EIF4G3: variants seen among roughly 807,000 people sequenced by gnomAD.
EIF4G3 encodes the protein eukaryotic translation initiation factor 4 gamma 3.
A neutral mutation model predicts 186.4 loss-of-function variants in EIF4G3; 34 were observed. That is an observed-to-expected ratio of 0.18 (90% CI 0.14 to 0.24). The LOEUF (loss-of-function observed/expected upper bound fraction) is 0.24, where lower values mean the gene tolerates loss of function less well. Among genes scored for constraint, EIF4G3 ranks in the 10% least tolerant of loss-of-function variants. The probability of loss-of-function intolerance (pLI) is 1.00; values close to 1 mark genes in which losing one functional copy is unlikely to be tolerated. For synonymous variants in EIF4G3, 673 were observed against 679.5 expected, an observed-to-expected ratio of 0.99 and a Z score of 0.15; for missense variants, 1,536 against 1,948.5, an observed-to-expected ratio of 0.79 and a Z score of 3.99.
At chr1:20,864,405 G>T in intron 22 of EIF4G3, 71 bp downstream of exon 22, 3 of 1,088,916 alleles carry the variant, frequency 2.8e-6, no homozygotes, top group Non-Finnish European at 4.2e-6. Context: ...GAACTATTCT[G>T]TTGACAGTCT....
chr1:20,941,498 A>G lies in EIF4G3; in HGVS notation c.1656T>C (p.Pro552=), dbSNP rs771964785. 6.2e-6 allele frequency: 10 copies of G among 1,608,892 alleles called. No individual in the cohort carries two copies. The highest frequency in any genetic ancestry group is 8.5e-6 in the Non-Finnish European group (10 of 1,177,474). Residue 552 remains proline (P), a synonymous_variant, in exon 14 of 37, where the codon CCT becomes CCC. Coordinates refer to ENST00000602326, the MANE Select transcript of EIF4G3 (RefSeq NM_001391906.1). ...DSQNLNSRRS[P]VPAQIAITVP... The stretch of plus-strand genomic sequence containing the variant: ...AATGGCAGAATGGCTTACCTGGGAC[A>G]GGGCTCCTTCTTGAATTTAAGTTTT...
At chr1:20,854,933 G>T in intron 26 of EIF4G3, 45 bp downstream of exon 26, 1 of 1,532,488 alleles carries the variant, frequency 6.5e-7, no homozygotes, top group Non-Finnish European at 9.0e-7. Context: ...TAAGGCAAAT[G>T]CTAACAAGCC....
intron 13 of EIF4G3, among the ~76,000 whole-genome samples, chr1:20,948,681 C>G (rs918111058): frequency 6.6e-6 from 1 of 151,960 alleles, no homozygotes; most frequent in Non-Finnish European, 1.5e-5. Flanking sequence ...TTAAATATAT[C>G]TATTTTATGG....
intron 12 of EIF4G3, among the ~76,000 whole-genome samples, chr1:20,964,971 G>A (rs1364324521): frequency 6.6e-6 from 1 of 152,102 alleles, no homozygotes; most frequent in African/African-American, 2.4e-5. Flanking sequence ...CCACCTGCTG[G>A]GTGAGTTCCC....
intron 12 of EIF4G3, among the ~76,000 whole-genome samples, chr1:20,951,393 A>C (rs1256207772): frequency 1.3e-5 from 2 of 152,176 alleles, no homozygotes; most frequent in Non-Finnish European, 2.9e-5. Flanking sequence ...CCACAATTCT[A>C]AATGAAGACT....
At chr1:21,061,741 GTTT>G (rs1043319207) in intron 3 of EIF4G3, among the ~76,000 whole-genome samples, 6 of 129,052 alleles carry the variant, frequency 4.6e-5, no homozygotes, top group African/African-American at 1.4e-4. Flanking sequence ...TTCTCTGCTT[GTTT>G]TTTTTTTTTT....
At chr1:21,168,806 T>C (rs1204344166) in intron 2 of EIF4G3, among the ~76,000 whole-genome samples, 1 of 152,138 alleles carries the variant, frequency 6.6e-6, no homozygotes, top group Non-Finnish European at 1.5e-5. Context: ...TGACTTTATG[T>C]TACAAAAATG....
chr1:20,815,905 GCCCCGTCC>G (rs1194335477), intron 34 of EIF4G3, among the ~76,000 whole-genome samples: 3 of 105,652 alleles, frequency 2.8e-5, no homozygotes, highest in Admixed American at 8.4e-5. Flanking sequence ...CCGGCCAGCC[GCCCCGTCC>G]GGGAGGGAGG....
At chr1:20,922,965 G>A (rs1363752072) in intron 14 of EIF4G3, among the ~76,000 whole-genome samples, 1 of 152,134 alleles carries the variant, frequency 6.6e-6, no homozygotes, top group African/African-American at 2.4e-5. Flanking sequence ...ATCTCTTTGT[G>A]TAGGTAGTAT....
chr1:20,807,747 T>C (rs2058326925), intron 36 of EIF4G3, among the ~76,000 whole-genome samples: 1 of 139,358 alleles, frequency 7.2e-6, no homozygotes, highest in South Asian at 2.2e-4. Flanking sequence ...AATTTGAACT[T>C]TTTTTCTGTT....
intron 3 of EIF4G3, among the ~76,000 whole-genome samples, chr1:21,058,179 T>A (rs1161674407): frequency 1.3e-5 from 2 of 152,026 alleles, no homozygotes; most frequent in Non-Finnish European, 2.9e-5. Flanking sequence ...GCAAGAGAAA[T>A]ACCCCCTGGA....
chr1:21,118,465 G>A (rs990894569), intron 2 of EIF4G3, among the ~76,000 whole-genome samples: 1 of 152,126 alleles, frequency 6.6e-6, no homozygotes, highest in Non-Finnish European at 1.5e-5. Context: ...ACAAAGAAAA[G>A]GCTCATTCTC....
At chr1:21,162,931 A>G (rs139182408) in intron 2 of EIF4G3, among the ~76,000 whole-genome samples, 143 of 152,276 alleles carry the variant, frequency 9.4e-4, no homozygotes, top group African/African-American at 3.3e-3. Flanking sequence ...CATGAACTTT[A>G]TGGTTAGGCA....
At chr1:20,882,180 C>T (rs1436847815) in intron 19 of EIF4G3, among the ~76,000 whole-genome samples, 7 of 48,930 alleles carry the variant, frequency 1.4e-4, no homozygotes, top group Admixed American at 5.1e-4. Flanking sequence ...AAAAATTACA[C>T]ACACACACAC....
chr1:21,102,854 CAA>C (rs1401149780), intron 2 of EIF4G3, among the ~76,000 whole-genome samples: 2 of 152,024 alleles, frequency 1.3e-5, no homozygotes, highest in Non-Finnish European at 2.9e-5. Flanking sequence ...ATTAAAATAA[CAA>C]ATGTCAAGAG....
chr1:20,978,214 A>G (rs1306199517), intron 10 of EIF4G3, among the ~76,000 whole-genome samples: 1 of 152,208 alleles, frequency 6.6e-6, no homozygotes, highest in Non-Finnish European at 1.5e-5. Flanking sequence ...AAAAATGGTG[A>G]CAAAGGTAAG....
At chr1:21,162,264 A>G (rs2097779541) in intron 2 of EIF4G3, among the ~76,000 whole-genome samples, 2 of 152,102 alleles carry the variant, frequency 1.3e-5, no homozygotes, top group Non-Finnish European at 2.9e-5. Context: ...CAGCCCGGCC[A>G]ACATGGAGAA....
Position 20,857,418 on chromosome 1 carries a change from G to A in EIF4G3, c.3324C>T (p.Phe1108=), listed in dbSNP as rs753732905. 1 of 1,613,884 alleles carries A rather than the reference G, an allele frequency of 6.2e-7. No individual in the cohort carries two copies. Among genetic ancestry groups the A allele is most frequent in the Non-Finnish European group, 8.5e-7 (1 of 1,179,918 alleles). ...KNSRVLDPSK[F]LKITKPTIDE... ...TCAGACTCACCTTAGTGATTTTTAG[G>A]AATTTTGAGGGGTCCAGTACCCGAC... Residue 1108 remains phenylalanine (F), a synonymous_variant, in exon 25 of 37, where the codon TTC becomes TTT. Coordinates refer to ENST00000602326, the MANE Select transcript of EIF4G3 (RefSeq NM_001391906.1).
intron 12 of EIF4G3, among the ~76,000 whole-genome samples, chr1:20,968,526 T>C (rs2075200703): frequency 6.6e-6 from 1 of 152,266 alleles, no homozygotes; most frequent in Non-Finnish European, 1.5e-5. Context: ...ATCTCTATTA[T>C]AGTTTACTAA....
Sources: allele counts gnomAD v4.1 joint callset (sites outside exome capture counted in the v4.1 genomes callset), GRCh38; gene constraint gnomAD v4.1.1; transcripts MANE v1.5; gene names NCBI Gene and HGNC (gene_info 2026-07-23, HGNC 2026-07-21).